CLIP2: variants seen among roughly 807,000 people sequenced by gnomAD.
CLIP2 encodes the protein CAP-Gly domain-containing linker protein 2.
Under a neutral mutation model 111.7 loss-of-function variants are expected in CLIP2, and 41 were observed. The observed-to-expected ratio is 0.37, with a 90% CI of 0.29 to 0.48. The LOEUF (loss-of-function observed/expected upper bound fraction) is 0.48, where lower values mean the gene tolerates loss of function less well. Ranked by LOEUF, CLIP2 falls within the 20% of genes least tolerant of loss-of-function variation. The probability of loss-of-function intolerance (pLI) is 0.99; values close to 1 mark genes in which losing one functional copy is unlikely to be tolerated. For missense variants in CLIP2, 1,160 were observed against 1,422.1 expected (o/e 0.82, Z 2.96); for synonymous variants, 660 against 644.2 (o/e 1.02, Z -0.37).
chr7:74,338,937 C>T lies in CLIP2; in HGVS notation c.611C>T (p.Ser204Phe). 6.2e-7 allele frequency: 1 copy of T among 1,600,594 alleles called. No homozygotes were observed. ...SSVKTGNESG[S>F]NLSDSGSVKR... ...GTGAAGACTGGCAACGAGTCGGGAT[C>T]CAACCTCTCAGACAGCGGCTCTGTG... Residue 204 changes from serine to phenylalanine, a missense_variant, in exon 3 of 17, where the codon TCC becomes TTC. This residue lies in a region of CLIP2 where 301 missense variants were observed against 315.2 expected (regional missense o/e 0.96). Coordinates refer to ENST00000223398, the MANE Select transcript of CLIP2 (RefSeq NM_003388.5). This position sits in a 1 kb window ranked among gnomAD's most constrained non-coding sequence, Gnocchi z 4.3.
At chr7:74,401,781 A>G (rs1396572026) in intron 16 of CLIP2, 4 of 685,552 alleles carry the variant, frequency 5.8e-6, no homozygotes, top group African/African-American at 5.3e-5. Flanking sequence ...TAAAAAAGTT[A>G]TAGGTTGGGC....
At chr7:74,360,125 C>A (rs781829765) in intron 6 of CLIP2, 50 bp from the exon 7 acceptor site, 1 of 1,477,488 alleles carries the variant, frequency 6.8e-7, no homozygotes, top group Non-Finnish European at 9.2e-7. Flanking sequence ...AACCTGGACC[C>A]CATACCCCGG....
chr7:74,368,371 G>T (rs1018209953), intron 8 of CLIP2, among the ~76,000 whole-genome samples: 10 of 151,876 alleles, frequency 6.6e-5, no homozygotes, highest in Non-Finnish European at 1.5e-4. Context: ...CAAAAACTTA[G>T]CCGGGCCTGG....
chr7:74,388,984 G>A, intron 12 of CLIP2, 119 bp from the exon 13 acceptor site: 2 of 1,218,472 alleles, frequency 1.6e-6, no homozygotes, highest in Non-Finnish European at 2.3e-6. Context: ...TATGCAGTGG[G>A]GTATGTCACC....
intron 1 of CLIP2, among the ~76,000 whole-genome samples, chr7:74,297,958 A>G (rs1257542055): frequency 1.3e-5 from 2 of 151,692 alleles, no homozygotes; most frequent in Non-Finnish European, 2.9e-5. Flanking sequence ...TATTCACTAA[A>G]CATGTATTTT....
intron 8 of CLIP2, among the ~76,000 whole-genome samples, chr7:74,369,265 C>A (rs1047448713): frequency 6.6e-6 from 1 of 152,142 alleles, no homozygotes; most frequent in East Asian, 1.9e-4. Context: ...GCAGGAGAAG[C>A]GCTTGAGCCA....
intron 3 of CLIP2, among the ~76,000 whole-genome samples, chr7:74,352,875 G>A (rs1790046550): frequency 6.6e-6 from 1 of 152,048 alleles, no homozygotes; most frequent in Admixed American, 6.6e-5. Flanking sequence ...AGCTGGGTGT[G>A]GTGGCACATA....
At chr7:74,392,088 A>G (rs1244715953) in intron 13 of CLIP2, among the ~76,000 whole-genome samples, 1 of 151,786 alleles carries the variant, frequency 6.6e-6, no homozygotes, top group Non-Finnish European at 1.5e-5. Context: ...GCAGTGGCTC[A>G]CGCCTGTAAT....
At chr7:74,364,396 G>A (rs1324278304) in intron 8 of CLIP2, 81 bp downstream of exon 8, 4 of 1,281,318 alleles carry the variant, frequency 3.1e-6, no homozygotes, top group Admixed American at 1.9e-5. Flanking sequence ...GTGAGGTCCA[G>A]CAGCACCTCT....
At chr7:74,346,220 A>G (rs879975328) in intron 3 of CLIP2, among the ~76,000 whole-genome samples, 7 of 152,036 alleles carry the variant, frequency 4.6e-5, no homozygotes, top group Non-Finnish European at 1.0e-4. Flanking sequence ...GGCTCAAGCA[A>G]TTCTCCTTTC....
chr7:74,312,233 G>A lies in CLIP2; in HGVS notation c.-67-5247G>A, dbSNP rs371948212. Among the ~76,000 whole-genome samples, 10 of 152,134 alleles carry A rather than the reference G, an allele frequency of 6.6e-5. No individual in the cohort carries two copies. In the East Asian group the frequency reaches 7.7e-4, roughly 12 times the overall value. ...CACCTGGGTGACAGAGCAAGACTCC[G>A]TCTCCAAATAAATAAATAAATAAAA... is the stretch of plus-strand genomic sequence containing the variant. On this transcript the variant is annotated intron_variant, in intron 1 of 16. Transcript: ENST00000223398.
intron 2 of CLIP2, among the ~76,000 whole-genome samples, chr7:74,320,858 G>A (rs1198246161): frequency 1.3e-5 from 2 of 152,292 alleles, no homozygotes; most frequent in Non-Finnish European, 1.5e-5. Flanking sequence ...CACCCAGTGG[G>A]CTGAGCTTGG....
At chr7:74,384,580 G>A (rs1023576254) in intron 11 of CLIP2, among the ~76,000 whole-genome samples, 5 of 151,114 alleles carry the variant, frequency 3.3e-5, no homozygotes, top group African/African-American at 1.2e-4. Flanking sequence ...TGAGTAGTTG[G>A]GATTAAAGGT....
At chr7:74,317,027 C>T (rs1788795599) in intron 1 of CLIP2, among the ~76,000 whole-genome samples, 1 of 152,222 alleles carries the variant, frequency 6.6e-6, no homozygotes, top group African/African-American at 2.4e-5. Flanking sequence ...TGACAGGCCA[C>T]TGTACCCAGT....
At position 74,386,043 on chromosome 7, in the gene CLIP2, CT is replaced by C. The variant is rs71519330; in HGVS notation, c.2480-462del. ...AGGCATGAGCCACCTCGCCCAGCCTCTTTTTTTTTTTTTTTTCTTTTTGAGA... is the reference window on the plus strand; with the variant it reads ...AGGCATGAGCCACCTCGCCCAGCCTCTTTTTTTTTTTTTTTCTTTTTGAGA... On this transcript the variant is annotated intron_variant, in intron 11 of 16. Coordinates refer to ENST00000223398, the MANE Select transcript of CLIP2 (RefSeq NM_003388.5). Among the ~76,000 whole-genome samples, 274 of 124,062 alleles carry C rather than the reference CT, an allele frequency of 2.2e-3. 1 individual carries two copies. The highest frequency in any genetic ancestry group is 9.0e-3 in the South Asian group (33 of 3,682). 81.4% of individuals were successfully genotyped at this position (124,062 alleles called of 152,430 possible).
In CLIP2 at chr7:74,317,533, C is replaced by T; in HGVS notation, c.-14C>T. 7.1e-7 allele frequency: 1 copy of T among 1,417,766 alleles called. No homozygotes were observed. The highest frequency in any genetic ancestry group is 1.6e-5 in the South Asian group (1 of 60,740). The allele number at this position is 1,417,766 out of a possible 1,614,324, so 87.8% of individuals were successfully genotyped here. On this transcript the variant is annotated 5_prime_UTR_variant, in exon 2 of 17. Coordinates refer to ENST00000223398, the MANE Select transcript of CLIP2 (RefSeq NM_003388.5). ...CCAGCACTCACCCTTGTCCACCTGC[C>T]CAGTGGCACCGCCATGCAGAAGCCC...
intron 12 of CLIP2, among the ~76,000 whole-genome samples, chr7:74,386,980 G>A (rs34459814): frequency 0.17 from 24,290 of 144,192 alleles, 2,176 homozygotes; most frequent in Middle Eastern, 0.22. Context: ...CCGAGATGGC[G>A]CCACTGCACT....
intron 1 of CLIP2, among the ~76,000 whole-genome samples, chr7:74,307,645 C>T (rs1423879915): frequency 6.6e-6 from 1 of 152,128 alleles, no homozygotes; most frequent in Non-Finnish European, 1.5e-5. Context: ...TGCCCACCAC[C>T]ATGCCTGGCT....
At chr7:74,371,200 C>T (rs1340077230) in intron 8 of CLIP2, among the ~76,000 whole-genome samples, 5 of 148,346 alleles carry the variant, frequency 3.4e-5, no homozygotes, top group South Asian at 2.1e-4. Context: ...GCCGAGATCG[C>T]GCCACTGCGC....
Sources: gnomAD v4.1 joint callset for allele counts (sites outside exome capture counted in the v4.1 genomes callset) on GRCh38, gnomAD v4.1.1 for gene constraint, gnomAD v4.1.1 regional missense constraint, Gnocchi (gnomAD v3.1) non-coding constraint, MANE v1.5 for transcripts, NCBI Gene and HGNC (gene_info 2026-07-23, HGNC 2026-07-21) for gene names.